Variants in ZEB1 observed in about 807,000 individuals in gnomAD.
ZEB1 encodes the protein zinc finger E-box binding homeobox 1.
In ZEB1, 21 loss-of-function variants were observed where a neutral mutation model predicts 84.9. The observed-to-expected ratio is 0.25, with a 90% CI of 0.18 to 0.36. The LOEUF (loss-of-function observed/expected upper bound fraction) is 0.36, where lower values mean the gene tolerates loss of function less well. ZEB1 is among the 10% of genes least tolerant of loss of function. The pLI is 1.00. For missense variants in ZEB1, 1,104 were observed against 1,330.2 expected (o/e 0.83, Z 2.65); for synonymous variants, 420 against 471.1 (o/e 0.89, Z 1.41).
chr10:31,363,013 C>A (rs745788724), intron 1 of ZEB1: 1 of 1,533,826 alleles, frequency 6.5e-7, no homozygotes, highest in Non-Finnish European at 8.7e-7. Context: ...CCGCTCGTCT[C>A]TATCACACCT....
intron 1 of ZEB1, among the ~76,000 whole-genome samples, chr10:31,370,454 T>G (rs527641274): frequency 6.6e-6 from 1 of 152,344 alleles, no homozygotes; most frequent in Non-Finnish European, 1.5e-5. Flanking sequence ...TTACCATTTT[T>G]AGAGAGAGTT....
intron 2 of ZEB1, among the ~76,000 whole-genome samples, chr10:31,481,594 C>T (rs2065049049): frequency 6.6e-6 from 1 of 151,856 alleles, no homozygotes; most frequent in Non-Finnish European, 1.5e-5. Context: ...GAGGCTGAGG[C>T]AGGAGGATCG....
At chr10:31,319,595 C>G (rs962910769) in intron 1 of ZEB1, 1 of 389,566 alleles carries the variant, frequency 2.6e-6, no homozygotes, top group Admixed American at 4.7e-5. Context: ...CGCCGCATCC[C>G]CGGCGCAGGG....
intron 1 of ZEB1, among the ~76,000 whole-genome samples, chr10:31,367,026 T>C (rs1451353940): frequency 6.6e-6 from 1 of 152,166 alleles, no homozygotes; most frequent in Non-Finnish European, 1.5e-5. Context: ...AGTAATGAAG[T>C]ATATAAGCTT....
intron 1 of ZEB1, among the ~76,000 whole-genome samples, chr10:31,459,903 T>A (rs1174010601): frequency 6.6e-6 from 1 of 151,032 alleles, no homozygotes; most frequent in Admixed American, 6.6e-5. Context: ...GTATACATAT[T>A]ATTTAAGCAT....
chr10:31,477,846 T>C (rs1268046401), intron 2 of ZEB1, among the ~76,000 whole-genome samples: 2 of 152,034 alleles, frequency 1.3e-5, no homozygotes, highest in Admixed American at 6.6e-5. Flanking sequence ...TGTCTCATCA[T>C]ATTAAAAAAT....
chr10:31,408,092 T>C (rs1212260654), intron 1 of ZEB1, among the ~76,000 whole-genome samples: 10 of 150,524 alleles, frequency 6.6e-5, no homozygotes, highest in African/African-American at 2.2e-4. Flanking sequence ...CATTCTTATA[T>C]GCCAACAACA....
chr10:31,462,885 C>T (rs969488558), intron 2 of ZEB1, among the ~76,000 whole-genome samples: 5 of 151,876 alleles, frequency 3.3e-5, no homozygotes, highest in Non-Finnish European at 7.4e-5. Flanking sequence ...AGTAGTTGCC[C>T]ATGGGATGGG....
At chr10:31,362,802 C>T in intron 1 of ZEB1, 1 of 769,470 alleles carries the variant, frequency 1.3e-6, no homozygotes, top group African/African-American at 1.7e-5. Context: ...TGCTGGATTA[C>T]AGGCATGAGC....
chr10:31,396,149 G>T (rs1225810944), intron 1 of ZEB1, among the ~76,000 whole-genome samples: 1 of 152,062 alleles, frequency 6.6e-6, no homozygotes, highest in African/African-American at 2.4e-5. Context: ...CTCTAATTCA[G>T]GTTTACATTG....
At chr10:31,409,737 A>C (rs1381458364) in intron 1 of ZEB1, among the ~76,000 whole-genome samples, 2 of 152,224 alleles carry the variant, frequency 1.3e-5, no homozygotes, top group South Asian at 2.1e-4. Context: ...ATCCCTTGTA[A>C]GTTGTATTCC....
intron 1 of ZEB1, among the ~76,000 whole-genome samples, chr10:31,445,812 G>T (rs1456801543): frequency 9.2e-6 from 1 of 108,298 alleles, no homozygotes; most frequent in African/African-American, 3.7e-5. Context: ...GCTGGATTCG[G>T]TTTGCCAGTA....
In ZEB1 at chr10:31,387,635, G is replaced by A. The variant is rs182951892; in HGVS notation, c.58+68343G>A. ...AATGACACCATTTAGGCAATCTAGT[G>A]ACATAATAGCTTCAGTTGATAGAGC... On this transcript the variant is annotated intron_variant, in intron 1 of 8. Coordinates refer to ENST00000424869, the MANE Select transcript of ZEB1 (RefSeq NM_001174096.2). The A allele has an allele frequency of 5.3e-6, 3 of 561,290 alleles. No individual in the cohort carries two copies. In the African/African-American group the frequency reaches 6.1e-5, roughly 11 times the overall value. 34.8% of individuals were successfully genotyped at this position (561,290 alleles called of 1,614,324 possible). A position where few individuals can be genotyped will look rare whatever the true frequency, so the allele number is the denominator to read the frequency against.
chr10:31,397,872 G>A (rs1329130843), intron 1 of ZEB1, among the ~76,000 whole-genome samples: 2 of 152,058 alleles, frequency 1.3e-5, no homozygotes, highest in Non-Finnish European at 2.9e-5. Flanking sequence ...CTAGATGCAT[G>A]TGTTATTCTA....
chr10:31,371,981 GGATA>G (rs1196484550), intron 1 of ZEB1, among the ~76,000 whole-genome samples: 3 of 152,012 alleles, frequency 2.0e-5, no homozygotes, highest in Non-Finnish European at 4.4e-5. Context: ...GAAATAGGCT[GGATA>G]GATATGCATG....
intron 3 of ZEB1, 64 bp from the exon 4 acceptor site, chr10:31,502,284 T>C (rs899915970): frequency 2.5e-5 from 38 of 1,511,956 alleles, no homozygotes; most frequent in Middle Eastern, 1.8e-4. Flanking sequence ...AATTTCTTAT[T>C]TAGAAAACCT....
At chr10:31,417,025 T>C (rs1021548445) in intron 1 of ZEB1, among the ~76,000 whole-genome samples, 27 of 152,164 alleles carry the variant, frequency 1.8e-4, no homozygotes, top group African/African-American at 6.5e-4. Flanking sequence ...AGTCTTGCAC[T>C]GCTCAAATAC....
intron 1 of ZEB1, among the ~76,000 whole-genome samples, chr10:31,408,445 T>G (rs1014113266): frequency 6.6e-6 from 1 of 151,786 alleles, no homozygotes; most frequent in Non-Finnish European, 1.5e-5. Context: ...AAGTCAATCC[T>G]GAGCCAAAAG....
chr10:31,404,843 GTGTT>G (rs1241291824), intron 1 of ZEB1, among the ~76,000 whole-genome samples: 1 of 152,148 alleles, frequency 6.6e-6, no homozygotes, highest in Non-Finnish European at 1.5e-5. Flanking sequence ...GAGGAAGTAA[GTGTT>G]TGACAGGAGA....
Sources: gnomAD v4.1 joint callset for allele counts (sites outside exome capture counted in the v4.1 genomes callset) on GRCh38, gnomAD v4.1.1 for gene constraint, MANE v1.5 for transcripts, NCBI Gene and HGNC (gene_info 2026-07-23, HGNC 2026-07-21) for gene names.